Variants in ZNF469 observed in about 807,000 individuals in gnomAD.
ZNF469 encodes zinc finger protein 469.
In ZNF469, 1 loss-of-function variant was observed where a neutral mutation model predicts 1.0. The ratio of observed to expected loss-of-function variants is 1.00; its 90% CI spans 0.35 to 4.73. The LOEUF is 4.73. Among genes scored for constraint, ZNF469 ranks in the 30% most tolerant of loss-of-function variants. ZNF469 has a pLI of 0.16. For missense variants in ZNF469, 6,100 were observed against 5,356.3 expected, an observed-to-expected ratio of 1.14 and a Z score of -4.33; for synonymous variants, 2,703 against 2,363.4, an observed-to-expected ratio of 1.14 and a Z score of -4.17.
the ZNF469 span, among the ~76,000 whole-genome samples, chr16:88,195,989 G>A: frequency 1.3e-5 from 2 of 152,210 alleles, no homozygotes; most frequent in African/African-American, 2.4e-5. Context: ...AGGAGGCTGC[G>A]TCGTGATCCA....
rs541999802 is a variant in ZNF469, at chr16:88,424,570, G to A, written c.-191-237G>A. On this transcript the variant is annotated intron_variant, in intron 1 of 2. Coordinates refer to ENST00000565624, the MANE Select transcript of ZNF469 (RefSeq NM_001367624.2). This position sits in a 1 kb window ranked among gnomAD's most constrained non-coding sequence, Gnocchi z 4.3. ...ATTTAAGATAGCCGTCAAAGCTGCA[G>A]CTGAGGCAGCCAGGTGACCCCTAAA... Among the ~76,000 whole-genome samples, 74 of 152,292 alleles carry A rather than the reference G, an allele frequency of 4.9e-4. No homozygotes were observed. Among genetic ancestry groups the A allele is most frequent in the African/African-American group, 1.7e-3 (72 of 41,564 alleles).
chr16:88,387,707 C>A (rs1412075644), intron 1 of ZNF469, among the ~76,000 whole-genome samples: 1 of 152,188 alleles, frequency 6.6e-6, no homozygotes, highest in African/African-American at 2.4e-5. Flanking sequence ...AGCCCGCAGG[C>A]CAGGCTGAGA....
At chr16:88,257,276 T>G in the ZNF469 span, among the ~76,000 whole-genome samples, 1 of 152,170 alleles carries the variant, frequency 6.6e-6, no homozygotes, top group Non-Finnish European at 1.5e-5. Flanking sequence ...GAGCATCTTT[T>G]CATATGCTTA....
intron 1 of ZNF469, among the ~76,000 whole-genome samples, chr16:88,418,927 A>G (rs1905377407): frequency 6.6e-6 from 1 of 152,262 alleles, no homozygotes; most frequent in East Asian, 1.9e-4. Flanking sequence ...GGCGAGGACT[A>G]CAGACGGGAG....
chr16:88,121,125 AG>A, the ZNF469 span, among the ~76,000 whole-genome samples: 1 of 30,458 alleles, frequency 3.3e-5, no homozygotes, highest in East Asian at 1.0e-3. Flanking sequence ...GGGGGTCGGG[AG>A]GGGGGCGCTG....
the ZNF469 span, among the ~76,000 whole-genome samples, chr16:88,109,550 T>C: frequency 1.4e-5 from 2 of 147,484 alleles, 1 homozygote; most frequent in East Asian, 4.1e-4. Flanking sequence ...CAGGAGGTGC[T>C]GAGCATCTGT....
the ZNF469 span, among the ~76,000 whole-genome samples, chr16:88,156,713 G>A: frequency 5.3e-5 from 8 of 152,198 alleles, no homozygotes; most frequent in Admixed American, 5.2e-4. Flanking sequence ...AAAGTGAGGA[G>A]GAAGGACAGG....
chr16:88,181,857 T>C, the ZNF469 span, among the ~76,000 whole-genome samples: 5 of 152,192 alleles, frequency 3.3e-5, no homozygotes, highest in Non-Finnish European at 7.3e-5. Flanking sequence ...ATCACTCTTA[T>C]TAACACTGTG....
the ZNF469 span, among the ~76,000 whole-genome samples, chr16:88,283,953 T>TGTGTCCGAA: frequency 8.8e-6 from 1 of 114,258 alleles, no homozygotes; most frequent in African/African-American, 3.5e-5. Context: ...AGACCCCCAG[T>TGTGTCCGAA]GTGCCCAAGG....
At chr16:88,222,523 C>T in the ZNF469 span, among the ~76,000 whole-genome samples, 2 of 152,124 alleles carry the variant, frequency 1.3e-5, no homozygotes, top group Non-Finnish European at 2.9e-5. Flanking sequence ...CATGGGAGGC[C>T]GAGGCAGGTG....
chr16:88,120,435 G>A, the ZNF469 span, among the ~76,000 whole-genome samples: 1 of 152,266 alleles, frequency 6.6e-6, no homozygotes, highest in Non-Finnish European at 1.5e-5. Context: ...CCAGAGGGCT[G>A]GGAAACAGCG....
rs374123002 is a variant in ZNF469 at position 88,386,036 on chromosome 16, T to C, written c.-192+2782T>C. Among the ~76,000 whole-genome samples the C allele has an allele frequency of 2.2e-4, 34 of 152,278 alleles. 1 individual carries two copies. In the East Asian group the frequency reaches 3.3e-3, roughly 15 times the overall value. On this transcript the variant is annotated intron_variant, in intron 1 of 2. Transcript: ENST00000565624. ...CTAAAAGCCCAGATGGAGGCCGCCA[T>C]AGGGAGCAGGGATGCCGGTGAGGCA...
the ZNF469 span, among the ~76,000 whole-genome samples, chr16:88,281,003 T>C: frequency 6.6e-6 from 1 of 151,414 alleles, no homozygotes; most frequent in Non-Finnish European, 1.5e-5. Flanking sequence ...ACCGTGTCAA[T>C]TTTGGCACAC....
the ZNF469 span, among the ~76,000 whole-genome samples, chr16:88,227,311 G>C: frequency 2.0e-5 from 3 of 152,194 alleles, no homozygotes; most frequent in African/African-American, 7.2e-5. Context: ...AAGCGGGGAA[G>C]GGGGAGGAAG....
chr16:88,266,299 C>T, the ZNF469 span, among the ~76,000 whole-genome samples: 5 of 152,336 alleles, frequency 3.3e-5, no homozygotes, highest in South Asian at 2.1e-4. Flanking sequence ...GCCAGGTCCA[C>T]GCTGACCACA....
the ZNF469 span, among the ~76,000 whole-genome samples, chr16:88,328,707 A>G: frequency 6.6e-6 from 1 of 152,206 alleles, no homozygotes; most frequent in Non-Finnish European, 1.5e-5. Flanking sequence ...GGGGGCTGGG[A>G]TGTGCACACA....
At chr16:88,198,083 A>G in the ZNF469 span, among the ~76,000 whole-genome samples, 2 of 152,104 alleles carry the variant, frequency 1.3e-5, no homozygotes, top group African/African-American at 4.8e-5. Context: ...CAGAAATCTC[A>G]TTTGCTCATT....
the ZNF469 span, among the ~76,000 whole-genome samples, chr16:88,179,897 C>T: frequency 2.0e-5 from 3 of 152,198 alleles, no homozygotes; most frequent in Admixed American, 2.0e-4. Flanking sequence ...GCCTTGCTGT[C>T]AGGTTACTAC....
At chr16:88,297,187 G>A in the ZNF469 span, among the ~76,000 whole-genome samples, 4 of 152,206 alleles carry the variant, frequency 2.6e-5, no homozygotes, top group East Asian at 1.9e-4. Context: ...GCTCAGAGGC[G>A]GCTCAGTGGC....
Sources: gnomAD v4.1 joint callset for allele counts (sites outside exome capture counted in the v4.1 genomes callset) on GRCh38, gnomAD v4.1.1 for gene constraint, Gnocchi (gnomAD v3.1) non-coding constraint, MANE v1.5 for transcripts, NCBI Gene and HGNC (gene_info 2026-07-23, HGNC 2026-07-21) for gene names.